STK3: variants seen among roughly 807,000 people sequenced by gnomAD.
STK3 encodes the protein serine/threonine-protein kinase 3.
In STK3, 41 loss-of-function variants were observed where a neutral mutation model predicts 58.0. The observed-to-expected ratio is 0.71, with a 90% CI of 0.55 to 0.92. STK3 has a LOEUF of 0.92. Ranked by LOEUF, STK3 falls within the 40% of genes least tolerant of loss-of-function variation. STK3 has a pLI of 0.00. For missense variants in STK3, 479 were observed against 602.7 expected (o/e 0.79, Z 2.15); for synonymous variants, 170 against 191.0 (o/e 0.89, Z 0.91).
intron 3 of STK3, among the ~76,000 whole-genome samples, chr8:98,839,816 CA>C (rs1427809903): frequency 6.6e-6 from 1 of 152,080 alleles, no homozygotes; most frequent in African/African-American, 2.4e-5. Flanking sequence ...AAAGTTATCT[CA>C]GGGGCACCTT....
At chr8:98,553,737 T>C (rs180762911) in intron 8 of STK3, among the ~76,000 whole-genome samples, 1 of 152,040 alleles carries the variant, frequency 6.6e-6, no homozygotes, top group Non-Finnish European at 1.5e-5. Context: ...GCCGAGGTGG[T>C]TGGATCACCT....
rs146975661 is a variant in STK3, at chr8:98,631,132, A to T, written c.685-34963T>A. 6.8e-3 allele frequency among the ~76,000 whole-genome samples: 1,029 copies of T among 152,238 alleles called. 8 individuals are homozygous for T. The highest frequency in any genetic ancestry group is 0.023 in the African/African-American group (965 of 41,532). On this transcript the variant is annotated intron_variant, in intron 6 of 10. Transcript: ENST00000419617. Reference sequence around the variant, plus strand: ...CTGGTTCAGGCCGCCATTATCTCTTACCTGGACTACTGAAGAAGTAACCTC... The same window carrying T: ...CTGGTTCAGGCCGCCATTATCTCTTTCCTGGACTACTGAAGAAGTAACCTC...
At chr8:98,624,408 G>A (rs1715737756) in intron 6 of STK3, among the ~76,000 whole-genome samples, 1 of 152,072 alleles carries the variant, frequency 6.6e-6, no homozygotes, top group Non-Finnish European at 1.5e-5. Context: ...TTTTAGAGTT[G>A]TTTTAGAGTT....
At chr8:98,475,436 AC>A (rs931662751) in intron 10 of STK3, among the ~76,000 whole-genome samples, 106 of 152,324 alleles carry the variant, frequency 7.0e-4, no homozygotes, top group African/African-American at 2.4e-3. Context: ...CACCAGGAAA[AC>A]AATTTTAGAG....
At chr8:98,426,555 C>T (rs1240236959) in intron 3 of STK3, among the ~76,000 whole-genome samples, 1 of 152,116 alleles carries the variant, frequency 6.6e-6, no homozygotes, top group African/African-American at 2.4e-5. Context: ...GACTTCCCGG[C>T]CCCCTCTTTT....
chr8:98,774,900 A>T, intron 1 of STK3, 81 bp from the exon 2 acceptor site: 1 of 955,494 alleles, frequency 1.0e-6, no homozygotes. Flanking sequence ...AATTTTACCA[A>T]GTTTTTAATT....
chr8:98,769,957 T>G (rs537828408), intron 2 of STK3, among the ~76,000 whole-genome samples: 2 of 152,236 alleles, frequency 1.3e-5, no homozygotes, highest in African/African-American at 4.8e-5. Flanking sequence ...TTACTGGAAG[T>G]TGAATTACAT....
chr8:98,536,078 C>T (rs1236469060), intron 9 of STK3, among the ~76,000 whole-genome samples: 2 of 152,128 alleles, frequency 1.3e-5, no homozygotes, highest in Non-Finnish European at 2.9e-5. Context: ...ATCTACTCTT[C>T]CAACCCCAAC....
At chr8:98,886,123 C>G (rs1837980916) in intron 1 of STK3, among the ~76,000 whole-genome samples, 1 of 152,128 alleles carries the variant, frequency 6.6e-6, no homozygotes, top group Non-Finnish European at 1.5e-5. Flanking sequence ...AGTCCTGTAT[C>G]TTGATTGTGG....
intron 3 of STK3, chr8:98,429,259 TGCGCA>T: frequency 6.2e-7 from 1 of 1,614,092 alleles, no homozygotes. Context: ...GAGAGTGCCA[TGCGCA>T]GCTGTGACTT....
intron 6 of STK3, among the ~76,000 whole-genome samples, chr8:98,655,404 C>T (rs953288579): frequency 6.6e-6 from 1 of 152,200 alleles, no homozygotes; most frequent in Non-Finnish European, 1.5e-5. Flanking sequence ...CTAGGCATTA[C>T]CATTCAGGAC....
intron 3 of STK3, among the ~76,000 whole-genome samples, chr8:98,851,466 T>G (rs1315033287): frequency 6.6e-6 from 1 of 152,248 alleles, no homozygotes; most frequent in Non-Finnish European, 1.5e-5. Flanking sequence ...TCTGTGTTAC[T>G]ACAGCTCTAC....
chr8:98,904,255 G>A (rs1287791661), intron 1 of STK3, among the ~76,000 whole-genome samples: 1 of 152,114 alleles, frequency 6.6e-6, no homozygotes, highest in Non-Finnish European at 1.5e-5. Context: ...AGATGCTGCA[G>A]GTAGGCAGGG....
At chr8:98,504,678 G>C (rs1216656655) in intron 10 of STK3, among the ~76,000 whole-genome samples, 3 of 152,234 alleles carry the variant, frequency 2.0e-5, no homozygotes, top group South Asian at 4.2e-4. Flanking sequence ...GGAAATTCTG[G>C]GTTGAAAATT....
At chr8:98,870,249 A>G (rs564393233) in intron 3 of STK3, among the ~76,000 whole-genome samples, 18 of 152,318 alleles carry the variant, frequency 1.2e-4, no homozygotes, top group African/African-American at 4.3e-4. Flanking sequence ...TCACTGATGG[A>G]CATTTGGGTT....
intron 3 of STK3, among the ~76,000 whole-genome samples, chr8:98,851,322 A>G (rs1166336135): frequency 6.6e-6 from 1 of 152,166 alleles, no homozygotes; most frequent in Admixed American, 6.5e-5. Flanking sequence ...TCTTCAGGCA[A>G]TGTGCGGAAG....
chr8:98,521,819 C>T (rs1825386840), intron 10 of STK3, among the ~76,000 whole-genome samples: 1 of 152,138 alleles, frequency 6.6e-6, no homozygotes, highest in Non-Finnish European at 1.5e-5. Context: ...TTCTGCTATC[C>T]ATTTATCAAT....
chr8:98,682,865 T>C (rs988567930), intron 6 of STK3, among the ~76,000 whole-genome samples: 1 of 152,098 alleles, frequency 6.6e-6, no homozygotes, highest in African/African-American at 2.4e-5. Context: ...TATACCTCCT[T>C]CCACCTTCCT....
At chr8:98,482,711 C>A (rs750967979) in intron 10 of STK3, among the ~76,000 whole-genome samples, 23 of 151,988 alleles carry the variant, frequency 1.5e-4, no homozygotes, top group Non-Finnish European at 3.2e-4. Context: ...CCCAGCAATT[C>A]TAGAAGATTT....
Sources: gnomAD v4.1 joint callset for allele counts (sites outside exome capture counted in the v4.1 genomes callset) on GRCh38, gnomAD v4.1.1 for gene constraint, MANE v1.5 for transcripts, NCBI Gene and HGNC (gene_info 2026-07-23, HGNC 2026-07-21) for gene names.